The following FOCAD variants were observed in gnomAD, a reference collection of about 807,000 sequenced individuals.
The protein encoded by FOCAD is focadhesin.
FOCAD carries 198 observed loss-of-function variants against 225.6 expected under a neutral mutation model. The ratio of observed to expected loss-of-function variants is 0.88; its 90% CI spans 0.78 to 0.99. The LOEUF (loss-of-function observed/expected upper bound fraction) is 0.99, where lower values mean the gene tolerates loss of function less well. Among genes scored for constraint, FOCAD ranks in the 50% least tolerant of loss-of-function variants. The probability of loss-of-function intolerance (pLI) is 0.00; values close to 1 mark genes in which losing one functional copy is unlikely to be tolerated. For synonymous variants in FOCAD, 897 were observed against 755.0 expected (o/e 1.19, Z -3.08); for missense variants, 2,713 against 2,123.6 (o/e 1.28, Z -5.46).
In FOCAD at chr9:20,986,386, G is replaced by C. The variant is rs762281549; in HGVS notation, c.4827G>C (p.Gln1609His). ...CCGATATGCTGAGCGTTGCTGTGCA[G>C]CACCGTGAGAAAGAGGTGTTGGCCT... Reference protein sequence around the residue: ...NLTDMLSVAVQHREKEVLAWM... With the variant: ...NLTDMLSVAVHHREKEVLAWM... The change falls in exon 40 of 44, where the codon CAG becomes CAC. Residue 1609 changes from glutamine (Q) to histidine (H), a missense_variant. Coordinates refer to ENST00000338382, the MANE Select transcript of FOCAD (RefSeq NM_001375567.1). 44 of 1,611,068 alleles carry C rather than the reference G, an allele frequency of 2.7e-5. No individual in the cohort carries two copies. The East Asian group carries it at 9.4e-4, about 34-fold the overall frequency.
chr9:20,766,906 T>A (rs1587080924), intron 7 of FOCAD, among the ~76,000 whole-genome samples: 3 of 152,184 alleles, frequency 2.0e-5, no homozygotes, highest in East Asian at 3.9e-4. Context: ...ACATGTGCCA[T>A]GCTGGTGCAC....
At chr9:20,713,538 C>A (rs1825046401) in intron 1 of FOCAD, among the ~76,000 whole-genome samples, 1 of 152,122 alleles carries the variant, frequency 6.6e-6, no homozygotes, top group Non-Finnish European at 1.5e-5. Context: ...TTAGCACTTA[C>A]CATCTTCTAA....
At chr9:20,968,455 T>TG (rs1554746177) in intron 35 of FOCAD, among the ~76,000 whole-genome samples, 15 of 140,050 alleles carry the variant, frequency 1.1e-4, no homozygotes, top group African/African-American at 3.1e-4. Flanking sequence ...TTTTTTTTTT[T>TG]GGGAGAGTTA....
chr9:20,832,082 TTGA>T (rs1185942888), intron 15 of FOCAD, among the ~76,000 whole-genome samples: 6 of 152,050 alleles, frequency 3.9e-5, no homozygotes, highest in Non-Finnish European at 7.4e-5. Context: ...GCTGTATCAG[TTGA>T]TGAACATTTG....
chr9:20,830,252 T>A (rs1825350185), intron 15 of FOCAD, among the ~76,000 whole-genome samples: 1 of 152,124 alleles, frequency 6.6e-6, no homozygotes. Context: ...TAATGTATAA[T>A]GTTTTGCATT....
intron 6 of FOCAD, among the ~76,000 whole-genome samples, chr9:20,763,165 T>C (rs1829763112): frequency 6.6e-6 from 1 of 152,242 alleles, no homozygotes; most frequent in Non-Finnish European, 1.5e-5. Context: ...ATTATAAAAC[T>C]ACTCTGTAAC....
chr9:20,924,494 G>C (rs1037758593), intron 25 of FOCAD, among the ~76,000 whole-genome samples: 2 of 152,186 alleles, frequency 1.3e-5, no homozygotes, highest in Non-Finnish European at 2.9e-5. Context: ...ATGCTCACCA[G>C]ATAGGATTGT....
At position 20,770,149 on chromosome 9, in the gene FOCAD, C is replaced by T. The variant is rs1563969044; in HGVS notation, c.817C>T (p.Leu273=). 4.3e-6 allele frequency: 7 copies of T among 1,614,038 alleles called. No homozygotes were observed. Among genetic ancestry groups the T allele is most frequent in the Non-Finnish European group, 5.9e-6 (7 of 1,179,974 alleles). Residue 273 remains leucine, a synonymous_variant, in exon 8 of 44, where the codon CTG becomes TTG. Transcript: ENST00000338382. ...IQLTQMSLQL[L]CVSEVSLKIT... ...GCTTACCCAGATGAGTCTTCAGCTG[C>T]TGTGTGTCAGTGAAGTCAGCTTAAA...
chr9:20,751,179 C>G (rs1828507849), intron 5 of FOCAD, among the ~76,000 whole-genome samples: 1 of 150,186 alleles, frequency 6.7e-6, no homozygotes, highest in South Asian at 2.1e-4. Context: ...TATTGTTATA[C>G]TTTAAGTTTT....
intron 19 of FOCAD, among the ~76,000 whole-genome samples, chr9:20,880,730 A>T (rs1306418712): frequency 6.6e-6 from 1 of 152,198 alleles, no homozygotes; most frequent in Non-Finnish European, 1.5e-5. Flanking sequence ...ATATTCATTT[A>T]AAGGAGACTT....
At chr9:20,861,569 A>G (rs1163604635) in intron 15 of FOCAD, among the ~76,000 whole-genome samples, 1 of 152,044 alleles carries the variant, frequency 6.6e-6, no homozygotes, top group Non-Finnish European at 1.5e-5. Context: ...TCTCAGAAAT[A>G]CTCTGTCTAC....
rs186345729 is a variant in FOCAD at position 20,775,071 on chromosome 9, G to C, written c.907-3610G>C. 2.0e-5 allele frequency among the ~76,000 whole-genome samples: 3 copies of C among 152,302 alleles called. No individual in the cohort carries two copies. In the East Asian group the frequency reaches 5.8e-4, roughly 29 times the overall value. On this transcript the variant is annotated intron_variant, in intron 8 of 43. Transcript: ENST00000338382. ...CATTTCTGTATCGCTGGGTTTATCA[G>C]CTGGATGTCTTGTTCAAATATTATA...
At chr9:20,753,814 T>A (rs1308327406) in intron 5 of FOCAD, among the ~76,000 whole-genome samples, 1 of 150,376 alleles carries the variant, frequency 6.6e-6, no homozygotes, top group Non-Finnish European at 1.5e-5. Flanking sequence ...ACGATGATAA[T>A]GTGCAGTGTT....
chr9:20,934,943 A>C (rs1835817107), intron 28 of FOCAD, among the ~76,000 whole-genome samples: 1 of 152,190 alleles, frequency 6.6e-6, no homozygotes, highest in Non-Finnish European at 1.5e-5. Flanking sequence ...CTGCAAGGAA[A>C]ACTACAAAAC....
At chr9:20,929,724 G>A in intron 27 of FOCAD, 128 bp downstream of exon 27, 1 of 690,816 alleles carries the variant, frequency 1.4e-6, no homozygotes, top group Non-Finnish European at 2.5e-6. Flanking sequence ...TCTGAGATGG[G>A]CAAGTTGATC....
chr9:20,812,082 C>G (rs2131357320), intron 11 of FOCAD, among the ~76,000 whole-genome samples: 1 of 152,126 alleles, frequency 6.6e-6, no homozygotes, highest in South Asian at 2.1e-4. Context: ...TTTGTTGAAT[C>G]TAAGGCTATG....
At chr9:20,888,916 G>A (rs2131889115) in intron 21 of FOCAD, among the ~76,000 whole-genome samples, 1 of 152,246 alleles carries the variant, frequency 6.6e-6, no homozygotes, top group Non-Finnish European at 1.5e-5. Flanking sequence ...CCTGTTTCTT[G>A]TGCAAATTAC....
intron 4 of FOCAD, among the ~76,000 whole-genome samples, chr9:20,723,088 C>G (rs7046563): frequency 1.3e-5 from 2 of 151,922 alleles, no homozygotes; most frequent in Non-Finnish European, 2.9e-5. Flanking sequence ...TTAATTCTTC[C>G]TCCCTATTGT....
intron 6 of FOCAD, among the ~76,000 whole-genome samples, chr9:20,762,234 A>G (rs1420858357): frequency 1.3e-5 from 2 of 152,204 alleles, no homozygotes; most frequent in Admixed American, 1.3e-4. Flanking sequence ...TTTTCTGGGA[A>G]CTTTCACTTT....
Sources: gnomAD v4.1 joint callset for allele counts (sites outside exome capture counted in the v4.1 genomes callset) on GRCh38, gnomAD v4.1.1 for gene constraint, MANE v1.5 for transcripts, NCBI Gene and HGNC (gene_info 2026-07-23, HGNC 2026-07-21) for gene names.